SPOCK3: variants seen among roughly 807,000 people sequenced by gnomAD.
SPOCK3 encodes the protein testican-3.
SPOCK3 carries 30 observed loss-of-function variants against 56.6 expected under a neutral mutation model. The observed-to-expected ratio is 0.53, with a 90% CI of 0.40 to 0.72. The LOEUF is 0.72. SPOCK3 is among the 30% of genes least tolerant of loss of function. The pLI is 0.00. For missense variants in SPOCK3, 527 were observed against 530.0 expected (o/e 0.99, Z 0.06); for synonymous variants, 196 against 183.3 (o/e 1.07, Z -0.56).
chr4:166,886,067 C>T (rs1256789691), intron 6 of SPOCK3, among the ~76,000 whole-genome samples: 1 of 151,966 alleles, frequency 6.6e-6, no homozygotes, highest in East Asian at 1.9e-4. Flanking sequence ...TTTTGTTTTG[C>T]AAGTCCTTTC....
In SPOCK3 at chr4:166,772,404, A is replaced by G. The variant is rs188474163; in HGVS notation, c.710-17675T>C. Among the ~76,000 whole-genome samples, 35 of 152,214 alleles carry G rather than the reference A, an allele frequency of 2.3e-4. No homozygotes were observed. The East Asian group carries it at 3.7e-3, about 16-fold the overall frequency. ...GCAATGTGACCTCCTAAGTATATCAATGAAAACTTTTCTTTCCCTAAAAGA... is the reference window on the plus strand; with the variant it reads ...GCAATGTGACCTCCTAAGTATATCAGTGAAAACTTTTCTTTCCCTAAAAGA... On this transcript the variant is annotated intron_variant, in intron 7 of 10. Coordinates refer to ENST00000357545, the MANE Select transcript of SPOCK3 (RefSeq NM_001040159.2).
intron 4 of SPOCK3, among the ~76,000 whole-genome samples, chr4:166,999,730 T>C (rs1431433686): frequency 1.3e-5 from 2 of 152,204 alleles, no homozygotes; most frequent in Non-Finnish European, 2.9e-5. Context: ...CTACACAGGC[T>C]ATTTCTAAAT....
intron 2 of SPOCK3, among the ~76,000 whole-genome samples, chr4:167,085,054 C>T (rs1758062502): frequency 6.6e-6 from 1 of 151,604 alleles, no homozygotes; most frequent in Admixed American, 6.6e-5. Flanking sequence ...AACCATTTGA[C>T]ACAGTTAATA....
At chr4:166,738,677 T>A (rs1343420963) in intron 9 of SPOCK3, among the ~76,000 whole-genome samples, 1 of 136,160 alleles carries the variant, frequency 7.3e-6, no homozygotes, top group Non-Finnish European at 1.5e-5. Context: ...TGTCCATGTG[T>A]TCTCATTGTT....
intron 5 of SPOCK3, among the ~76,000 whole-genome samples, chr4:166,907,020 T>C (rs1736698878): frequency 6.6e-6 from 1 of 152,070 alleles, no homozygotes; most frequent in Non-Finnish European, 1.5e-5. Flanking sequence ...CCAGAAAATA[T>C]GGTCTACATA....
In SPOCK3 at chr4:166,952,981, C is replaced by A. The variant is rs111761977; in HGVS notation, c.351-40238G>T. Among the ~76,000 whole-genome samples, 315 of 146,774 alleles carry A rather than the reference C, an allele frequency of 2.1e-3. 3 individuals are homozygous for A. The highest frequency in any genetic ancestry group is 9.9e-3 in the East Asian group (50 of 5,030). ...CGTTAGACCTAAAACCATAAAAACC[C>A]TAGAAGAAAACCTAGGCATTACCAT... On this transcript the variant is annotated intron_variant, in intron 4 of 10. Coordinates refer to ENST00000357545, the MANE Select transcript of SPOCK3 (RefSeq NM_001040159.2).
rs954265354 is a variant in SPOCK3, at chr4:167,222,670, GAT to G, written c.189+11313_189+11314del. Among the ~76,000 whole-genome samples the G allele has an allele frequency of 2.8e-4, 36 of 130,468 alleles. No homozygotes were observed. In the East Asian group the frequency reaches 7.6e-3, roughly 28 times the overall value. The allele number at this position is 130,468 out of a possible 152,430, so 85.6% of individuals were successfully genotyped here. A position where few individuals can be genotyped will look rare whatever the true frequency, so the allele number is the denominator to read the frequency against. On this transcript the variant is annotated intron_variant, in intron 2 of 10. Coordinates refer to ENST00000357545, the MANE Select transcript of SPOCK3 (RefSeq NM_001040159.2). Reference sequence around the variant, plus strand: ...ATTCATATATAAATATATAAACATAGATATATATTTATATATGAATATATAAA... The same window carrying G: ...ATTCATATATAAATATATAAACATAGATATATTTATATATGAATATATAAA...
intron 2 of SPOCK3, among the ~76,000 whole-genome samples, chr4:167,158,115 G>A (rs1460789970): frequency 1.3e-5 from 2 of 151,888 alleles, no homozygotes; most frequent in Non-Finnish European, 2.9e-5. Context: ...ATAGTCTGAG[G>A]AGGATAGAGA....
chr4:166,891,959 G>A (rs573982719), intron 5 of SPOCK3, among the ~76,000 whole-genome samples: 1 of 151,968 alleles, frequency 6.6e-6, no homozygotes, highest in Non-Finnish European at 1.5e-5. Context: ...TGCTTTAAAT[G>A]TAGTTTATTT....
intron 2 of SPOCK3, among the ~76,000 whole-genome samples, chr4:167,104,280 C>CA (rs985140618): frequency 6.6e-6 from 1 of 152,126 alleles, no homozygotes; most frequent in African/African-American, 2.4e-5. Context: ...AGATATGTGA[C>CA]ATTTCTGACA....
At chr4:166,942,824 T>C (rs915146980) in intron 4 of SPOCK3, among the ~76,000 whole-genome samples, 6 of 152,204 alleles carry the variant, frequency 3.9e-5, no homozygotes, top group Non-Finnish European at 1.5e-5. Context: ...ATAAAAAGTC[T>C]ATTAAGCAAT....
At chr4:166,860,112 G>T (rs1731079526) in intron 6 of SPOCK3, among the ~76,000 whole-genome samples, 1 of 152,046 alleles carries the variant, frequency 6.6e-6, no homozygotes, top group African/African-American at 2.4e-5. Flanking sequence ...TATGAATCAG[G>T]CGTAGCTGGT....
At chr4:167,124,888 C>T (rs77395416) in intron 2 of SPOCK3, among the ~76,000 whole-genome samples, 4,907 of 152,226 alleles carry the variant, frequency 0.032, 261 homozygotes, top group African/African-American at 0.11. Flanking sequence ...CTTGCTATAG[C>T]ACAATAAGGT....
chr4:166,935,841 T>A (rs1740336494), intron 4 of SPOCK3, among the ~76,000 whole-genome samples: 1 of 152,198 alleles, frequency 6.6e-6, no homozygotes, highest in Non-Finnish European at 1.5e-5. Context: ...GAGAAGTGGC[T>A]GCATTCTAAT....
intron 2 of SPOCK3, among the ~76,000 whole-genome samples, chr4:167,161,070 T>C (rs1381110215): frequency 6.6e-6 from 1 of 152,152 alleles, no homozygotes; most frequent in Non-Finnish European, 1.5e-5. Flanking sequence ...AAAGAGCTTC[T>C]GCACAGCAAA....
intron 6 of SPOCK3, among the ~76,000 whole-genome samples, chr4:166,874,488 T>G (rs990802865): frequency 6.6e-6 from 1 of 152,220 alleles, no homozygotes; most frequent in South Asian, 2.1e-4. Context: ...CGTATCTGTG[T>G]ATTCAATTTG....
At chr4:166,839,342 G>A (rs1249960113) in intron 6 of SPOCK3, among the ~76,000 whole-genome samples, 1 of 152,054 alleles carries the variant, frequency 6.6e-6, no homozygotes, top group African/African-American at 2.4e-5. Flanking sequence ...TCTCATTGTT[G>A]TTGCTAAAAT....
At chr4:167,130,633 A>C (rs928404264) in intron 2 of SPOCK3, among the ~76,000 whole-genome samples, 1 of 152,172 alleles carries the variant, frequency 6.6e-6, no homozygotes, top group Non-Finnish European at 1.5e-5. Flanking sequence ...ATCTGTGTAA[A>C]ATCAATATAA....
At chr4:167,062,459 A>G (rs1476171620) in intron 3 of SPOCK3, 33 bp downstream of exon 3, 2 of 1,511,098 alleles carry the variant, frequency 1.3e-6, no homozygotes, top group Admixed American at 1.7e-5. Flanking sequence ...TGAACATGTA[A>G]AGGTTTTTAT....
Sources: allele counts gnomAD v4.1 joint callset (sites outside exome capture counted in the v4.1 genomes callset), GRCh38; gene constraint gnomAD v4.1.1; transcripts MANE v1.5; gene names NCBI Gene and HGNC (gene_info 2026-07-23, HGNC 2026-07-21).